FBXL13: variants seen among roughly 807,000 people sequenced by gnomAD.
FBXL13 encodes the protein F-box and leucine-rich repeat protein 13.
In FBXL13, 67 loss-of-function variants were observed where a neutral mutation model predicts 83.6. The observed-to-expected ratio is 0.80, with a 90% confidence interval of 0.66 to 0.98. The LOEUF (loss-of-function observed/expected upper bound fraction) is 0.98, where lower values mean the gene tolerates loss of function less well. Ranked by LOEUF, FBXL13 falls within the 50% of genes least tolerant of loss-of-function variation. The probability of loss-of-function intolerance (pLI) is 0.00; values close to 1 mark genes in which losing one functional copy is unlikely to be tolerated. For missense variants in FBXL13, 822 were observed against 866.5 expected (o/e 0.95, Z 0.64); for synonymous variants, 272 against 299.5 (o/e 0.91, Z 0.95).
chr7:102,880,661 G>C (rs774825510), intron 14 of FBXL13, among the ~76,000 whole-genome samples: 1 of 152,104 alleles, frequency 6.6e-6, no homozygotes, highest in Non-Finnish European at 1.5e-5. Context: ...CTGTTTCTGT[G>C]ACTCTTTCTC....
intron 8 of FBXL13, among the ~76,000 whole-genome samples, chr7:102,935,463 G>T (rs1052162399): frequency 9.9e-5 from 15 of 151,752 alleles, no homozygotes; most frequent in African/African-American, 2.9e-4. Flanking sequence ...AAAATTTAAA[G>T]AACTAAATTT....
At chr7:102,978,754 T>A (rs1053928174) in intron 6 of FBXL13, 6 of 157,616 alleles carry the variant, frequency 3.8e-5, no homozygotes, top group Admixed American at 3.2e-4. Flanking sequence ...TTAGTTGGAT[T>A]TTTAAAGTTT....
intron 6 of FBXL13, among the ~76,000 whole-genome samples, chr7:102,975,368 C>G (rs1000630405): frequency 1.3e-5 from 2 of 152,220 alleles, no homozygotes; most frequent in African/African-American, 2.4e-5. Context: ...ACCCTCACCC[C>G]AGAAGACTGG....
At chr7:102,972,082 C>T (rs2129482374) in intron 6 of FBXL13, among the ~76,000 whole-genome samples, 1 of 151,356 alleles carries the variant, frequency 6.6e-6, no homozygotes, top group South Asian at 2.1e-4. Flanking sequence ...AGTTTGCTTC[C>T]AATGGACCCT....
At chr7:102,994,761 T>A (rs1463549567) in intron 6 of FBXL13, among the ~76,000 whole-genome samples, 2 of 152,222 alleles carry the variant, frequency 1.3e-5, no homozygotes, top group Non-Finnish European at 2.9e-5. Flanking sequence ...GATTGGTCAA[T>A]GCTGCTGGCT....
At chr7:102,869,398 T>C (rs1211437274) in intron 16 of FBXL13, among the ~76,000 whole-genome samples, 1 of 152,220 alleles carries the variant, frequency 6.6e-6, no homozygotes, top group Non-Finnish European at 1.5e-5. Flanking sequence ...TAAGCATAGT[T>C]TGTAAATATT....
At chr7:102,896,208 TA>T (rs1339708913) in intron 11 of FBXL13, among the ~76,000 whole-genome samples, 1 of 152,224 alleles carries the variant, frequency 6.6e-6, no homozygotes, top group African/African-American at 2.4e-5. Context: ...ATTAAATGAA[TA>T]AGAAGGCTTG....
intron 10 of FBXL13, among the ~76,000 whole-genome samples, chr7:102,922,307 T>C (rs529915252): frequency 6.6e-6 from 1 of 152,210 alleles, no homozygotes; most frequent in East Asian, 1.9e-4. Context: ...TATACAAACT[T>C]TTCCCAAATT....
chr7:103,010,576 A>AG (rs1384323101), intron 6 of FBXL13, among the ~76,000 whole-genome samples: 1 of 152,116 alleles, frequency 6.6e-6, no homozygotes, highest in Non-Finnish European at 1.5e-5. Context: ...ATAGTGCAGT[A>AG]GGGGGGTTTA....
intron 6 of FBXL13, among the ~76,000 whole-genome samples, chr7:102,996,518 GTA>G (rs1789806664): frequency 6.6e-6 from 1 of 152,112 alleles, no homozygotes; most frequent in Non-Finnish European, 1.5e-5. Context: ...CTGATGACTG[GTA>G]GTTCAAATCC....
chr7:103,067,136 T>C (rs1156827141), intron 1 of FBXL13, among the ~76,000 whole-genome samples: 1 of 152,024 alleles, frequency 6.6e-6, no homozygotes, highest in Non-Finnish European at 1.5e-5. Context: ...ACTATGGATA[T>C]TGAGAGCCCA....
intron 12 of FBXL13, 132 bp from the exon 14 acceptor site, chr7:102,883,817 C>A (rs1023709719): frequency 1.2e-5 from 7 of 601,368 alleles, no homozygotes; most frequent in African/African-American, 5.6e-5. Context: ...TCAAAGACAA[C>A]TGGATTTTTC....
chr7:102,883,164 G>T, intron 14 of FBXL13, 141 bp downstream of exon 15: 1 of 735,474 alleles, frequency 1.4e-6, no homozygotes, highest in Non-Finnish European at 2.0e-6. Flanking sequence ...TATAACTACA[G>T]AACTCTGCAC....
intron 10 of FBXL13, among the ~76,000 whole-genome samples, chr7:102,926,057 G>A (rs1015273712): frequency 4.6e-5 from 7 of 152,130 alleles, no homozygotes; most frequent in Admixed American, 4.6e-4. Context: ...CAAGCTACTG[G>A]GCACATTGCT....
chr7:103,005,441 A>C (rs2129485959), intron 6 of FBXL13, among the ~76,000 whole-genome samples: 1 of 152,314 alleles, frequency 6.6e-6, no homozygotes, highest in Admixed American at 6.5e-5. Flanking sequence ...GCATGATGAA[A>C]ATTAAAGAGT....
chr7:103,070,158 G>A (rs566592000), intron 1 of FBXL13, among the ~76,000 whole-genome samples: 98 of 151,590 alleles, frequency 6.5e-4, no homozygotes, highest in Non-Finnish European at 1.2e-3. Context: ...AAGAAAATAA[G>A]CAATAGAAGC....
intron 6 of FBXL13, among the ~76,000 whole-genome samples, chr7:102,986,674 T>C (rs569312868): frequency 3.9e-5 from 6 of 152,276 alleles, no homozygotes; most frequent in Middle Eastern, 3.4e-3. Flanking sequence ...AATGTGATGA[T>C]TGAGATTTAA....
chr7:102,827,738 C>T (rs1258119281), intron 18 of FBXL13, among the ~76,000 whole-genome samples: 3 of 152,024 alleles, frequency 2.0e-5, no homozygotes, highest in Non-Finnish European at 4.4e-5. Context: ...CATGTGTTCT[C>T]ATTGTTCAAT....
chr7:102,956,049 C>T (rs929746035), intron 8 of FBXL13, among the ~76,000 whole-genome samples: 3 of 152,100 alleles, frequency 2.0e-5, no homozygotes, highest in African/African-American at 7.2e-5. Flanking sequence ...CAACATCATC[C>T]TGATACCAAA....
Sources: gnomAD v4.1 joint callset for allele counts (sites outside exome capture counted in the v4.1 genomes callset) on GRCh38, gnomAD v4.1.1 for gene constraint, MANE v1.5 for transcripts, NCBI Gene and HGNC (gene_info 2026-07-23, HGNC 2026-07-21) for gene names.